CADM2: variants seen among roughly 807,000 people sequenced by gnomAD.
The protein encoded by CADM2 is cell adhesion molecule 2.
CADM2 carries 12 observed loss-of-function variants against 49.8 expected under a neutral mutation model. The ratio of observed to expected loss-of-function variants is 0.24; its 90% CI spans 0.15 to 0.39. CADM2 has a LOEUF of 0.39. CADM2 is among the 10% of genes least tolerant of loss of function. The probability of loss-of-function intolerance (pLI) is 1.00; values close to 1 mark genes in which losing one functional copy is unlikely to be tolerated. For missense variants in CADM2, 378 were observed against 492.3 expected (o/e 0.77, Z 2.20); for synonymous variants, 214 against 175.4 (o/e 1.22, Z -1.74).
intron 2 of CADM2, among the ~76,000 whole-genome samples, chr3:85,762,837 A>G (rs1422958285): frequency 6.6e-6 from 1 of 151,628 alleles, no homozygotes; most frequent in East Asian, 1.9e-4. Flanking sequence ...CCCAGTTATC[A>G]TGACACCTTA....
chr3:85,213,286 G>A (rs1432944910), intron 1 of CADM2, among the ~76,000 whole-genome samples: 1 of 151,946 alleles, frequency 6.6e-6, no homozygotes, highest in Non-Finnish European at 1.5e-5. Context: ...TTGCTTGTCT[G>A]GTAAGCTGTT....
At chr3:85,296,074 A>G (rs906734396) in intron 1 of CADM2, among the ~76,000 whole-genome samples, 5 of 152,096 alleles carry the variant, frequency 3.3e-5, no homozygotes, top group African/African-American at 1.2e-4. Flanking sequence ...CACTATGATT[A>G]ATATCCATAC....
At chr3:85,850,800 AG>A (rs2075078638) in intron 3 of CADM2, among the ~76,000 whole-genome samples, 1 of 152,166 alleles carries the variant, frequency 6.6e-6, no homozygotes. Flanking sequence ...TAGTGTTTTG[AG>A]TAAGCTTTGT....
At chr3:85,401,574 G>A (rs189528740) in intron 1 of CADM2, among the ~76,000 whole-genome samples, 1 of 152,118 alleles carries the variant, frequency 6.6e-6, no homozygotes, top group Non-Finnish European at 1.5e-5. Context: ...TTAGATTGAA[G>A]GAGGACATTC....
intron 1 of CADM2, among the ~76,000 whole-genome samples, chr3:85,297,532 C>T (rs1412844928): frequency 7.2e-5 from 11 of 152,006 alleles, no homozygotes; most frequent in Admixed American, 5.2e-4. Context: ...AAGAACTGGA[C>T]AGGGTACTGG....
At chr3:86,052,310 T>C (rs1737438840) in intron 8 of CADM2, among the ~76,000 whole-genome samples, 1 of 152,140 alleles carries the variant, frequency 6.6e-6, no homozygotes, top group Non-Finnish European at 1.5e-5. Context: ...TCTGGGACAT[T>C]CTTAGGTATT....
chr3:85,449,052 A>AAAAAATAATAATAATAATAAT (rs71617939), intron 1 of CADM2, among the ~76,000 whole-genome samples: 8 of 107,406 alleles, frequency 7.4e-5, no homozygotes, highest in Non-Finnish European at 1.7e-4. Context: ...TCCAACTCAA[A>AAAAAATAATAATAATAATAAT]AATAATAATA....
chr3:85,995,957 G>A (rs967215875), intron 8 of CADM2, among the ~76,000 whole-genome samples: 2 of 151,770 alleles, frequency 1.3e-5, no homozygotes, highest in Admixed American at 6.6e-5. Context: ...AGGCGTGGTG[G>A]CGGTCGCCTG....
At position 85,886,339 on chromosome 3, in the gene CADM2, A is replaced by G. The variant is rs764139791; in HGVS notation, c.529+12A>G. The G allele has an allele frequency of 4.4e-6, 7 of 1,589,276 alleles. No homozygotes were observed. The highest frequency in any genetic ancestry group is 6.0e-6 in the Non-Finnish European group (7 of 1,158,640). ...CAAAGAGATTAAAGGTAAAGAATAG[A>G]AAAATGAAAATCAAAATTAATGTGC... On this transcript the variant is annotated intron_variant, in intron 5 of 9. Transcript: ENST00000383699.
intron 6 of CADM2, 105 bp from the exon 7 acceptor site, chr3:85,935,662 T>C (rs986511595): frequency 1.2e-5 from 6 of 482,592 alleles, no homozygotes; most frequent in Non-Finnish European, 2.2e-5. Flanking sequence ...TACACAATTA[T>C]AAATAATATA....
chr3:85,769,185 TATATA>T (rs2069851065), intron 2 of CADM2, among the ~76,000 whole-genome samples: 1 of 81,938 alleles, frequency 1.2e-5, no homozygotes. Flanking sequence ...CATATATACA[TATATA>T]GTATATATAC....
At chr3:86,017,775 T>C (rs1018254955) in intron 8 of CADM2, among the ~76,000 whole-genome samples, 2 of 150,410 alleles carry the variant, frequency 1.3e-5, no homozygotes, top group African/African-American at 4.9e-5. Flanking sequence ...ATTTCTTTTG[T>C]GTGCTAAATT....
intron 1 of CADM2, among the ~76,000 whole-genome samples, chr3:85,116,970 T>G (rs2038661571): frequency 6.6e-6 from 1 of 152,044 alleles, no homozygotes; most frequent in South Asian, 2.1e-4. Flanking sequence ...CTGGGGTGGG[T>G]GGATCATTGA....
intron 1 of CADM2, among the ~76,000 whole-genome samples, chr3:85,451,343 T>C (rs1414972292): frequency 1.3e-5 from 2 of 152,136 alleles, no homozygotes; most frequent in Non-Finnish European, 1.5e-5. Flanking sequence ...TGAGATTACT[T>C]ATCACATTAA....
At chr3:85,753,319 A>C (rs931105041) in intron 2 of CADM2, among the ~76,000 whole-genome samples, 1 of 152,142 alleles carries the variant, frequency 6.6e-6, no homozygotes, top group Non-Finnish European at 1.5e-5. Flanking sequence ...AAGAAGAAAG[A>C]GGAAGGGGAA....
At chr3:85,821,003 G>C (rs1367576352) in intron 3 of CADM2, among the ~76,000 whole-genome samples, 1 of 152,096 alleles carries the variant, frequency 6.6e-6, no homozygotes, top group Non-Finnish European at 1.5e-5. Flanking sequence ...AACTACGTTG[G>C]CTATTGTTTG....
intron 5 of CADM2, among the ~76,000 whole-genome samples, chr3:85,887,203 C>T (rs1481822093): frequency 3.3e-5 from 5 of 152,080 alleles, no homozygotes; most frequent in Non-Finnish European, 5.9e-5. Flanking sequence ...TTTCCCGCCT[C>T]AGCCTCCTGA....
intron 1 of CADM2, among the ~76,000 whole-genome samples, chr3:85,221,298 A>G (rs2042038998): frequency 6.6e-6 from 1 of 152,152 alleles, no homozygotes; most frequent in South Asian, 2.1e-4. Flanking sequence ...ATCCTGAAAC[A>G]GGATAGAATG....
chr3:85,186,477 T>G (rs751787659), intron 1 of CADM2, among the ~76,000 whole-genome samples: 3 of 152,188 alleles, frequency 2.0e-5, no homozygotes, highest in Non-Finnish European at 4.4e-5. Flanking sequence ...TTTTAACCTT[T>G]TCAGGCATGT....
Sources: gnomAD v4.1 joint callset for allele counts (sites outside exome capture counted in the v4.1 genomes callset) on GRCh38, gnomAD v4.1.1 for gene constraint, MANE v1.5 for transcripts, NCBI Gene and HGNC (gene_info 2026-07-23, HGNC 2026-07-21) for gene names.